Variants in PAM observed in about 807,000 individuals in gnomAD.
PAM encodes the protein peptidyl-glycine alpha-amidating monooxygenase.
Under a neutral mutation model 122.1 loss-of-function variants are expected in PAM, and 72 were observed. The observed-to-expected ratio is 0.59, with a 90% CI of 0.49 to 0.72. The LOEUF (loss-of-function observed/expected upper bound fraction) is 0.72. Among genes scored for constraint, PAM ranks in the 30% least tolerant of loss-of-function variants. The pLI is 0.00. For synonymous variants in PAM, 389 were observed against 404.4 expected (o/e 0.96, Z 0.46); for missense variants, 1,106 against 1,183.7 (o/e 0.93, Z 0.96).
intron 12 of PAM, among the ~76,000 whole-genome samples, chr5:102,955,722 C>CCAT (rs2150151776): frequency 6.6e-6 from 1 of 151,814 alleles, no homozygotes; most frequent in South Asian, 2.1e-4. Context: ...GTTTAAAGGG[C>CCAT]CATTCAGTGG....
chr5:102,883,758 A>C (rs1299634371), intron 3 of PAM, among the ~76,000 whole-genome samples: 1 of 151,888 alleles, frequency 6.6e-6, no homozygotes, highest in African/African-American at 2.4e-5. Context: ...TGTTGAACAG[A>C]AGTGGTGAAA....
intron 3 of PAM, among the ~76,000 whole-genome samples, chr5:102,872,726 T>C (rs778870339): frequency 6.6e-6 from 1 of 152,232 alleles, no homozygotes; most frequent in Non-Finnish European, 1.5e-5. Context: ...TTTATTAAAT[T>C]CAGAATGCCA....
rs771021023 is a variant in PAM, at chr5:102,990,388, G to T, written c.1600G>T (p.Val534Phe). ...GGTGATTTTCCACAGAGGTGACCAT[G>T]TCTGGGATGGAAAGTAAGTAATATT... ...NLVIFHRGDH[V>F]WDGNSFDSKF... The change falls in exon 16 of 26, where the codon GTC becomes TTC. Residue 534 changes from valine to phenylalanine, a missense_variant. Physicochemically the swap from Val to Phe is conservative, Grantham distance 50. This residue lies in a region of PAM where 670 missense variants were observed against 690.3 expected (regional missense o/e 0.97). Transcript: ENST00000438793. The T allele has an allele frequency of 1.0e-5, 16 of 1,595,618 alleles. No individual in the cohort carries two copies. The highest frequency in any genetic ancestry group is 1.4e-5 in the Non-Finnish European group (16 of 1,169,888).
At chr5:102,991,564 T>C (rs896841813) in intron 16 of PAM, among the ~76,000 whole-genome samples, 1 of 152,168 alleles carries the variant, frequency 6.6e-6, no homozygotes, top group African/African-American at 2.4e-5. Flanking sequence ...CCTGGTTCTG[T>C]CACGTATGCA....
chr5:102,895,989 C>A (rs1336536067), intron 3 of PAM: 4 of 151,632 alleles, frequency 2.6e-5, no homozygotes, highest in Admixed American at 2.6e-4. Flanking sequence ...GTCAGCACTC[C>A]CTGTTCAGAA....
At chr5:102,804,023 G>A (rs1765572998) in intron 1 of PAM, among the ~76,000 whole-genome samples, 1 of 152,162 alleles carries the variant, frequency 6.6e-6, no homozygotes, top group Non-Finnish European at 1.5e-5. Context: ...AACAGGAGAA[G>A]TGTGAGGGTT....
chr5:103,011,525 T>C (rs923013028), intron 21 of PAM, among the ~76,000 whole-genome samples: 1 of 152,242 alleles, frequency 6.6e-6, no homozygotes, highest in African/African-American at 2.4e-5. Context: ...CATGTTTGTC[T>C]TTCTGTGCCT....
intron 1 of PAM, among the ~76,000 whole-genome samples, chr5:102,762,589 A>G (rs1353035275): frequency 1.3e-5 from 2 of 152,164 alleles, no homozygotes; most frequent in Non-Finnish European, 2.9e-5. Context: ...AGGAAATAAA[A>G]GTAAGCTAAT....
chr5:103,021,458 C>G (rs1260127767), intron 23 of PAM, among the ~76,000 whole-genome samples: 1 of 152,162 alleles, frequency 6.6e-6, no homozygotes, highest in Non-Finnish European at 1.5e-5. Flanking sequence ...CCATACTGAC[C>G]TCATCTTAGC....
chr5:102,823,787 G>A (rs1196033183), intron 1 of PAM, among the ~76,000 whole-genome samples: 1 of 152,132 alleles, frequency 6.6e-6, no homozygotes, highest in Non-Finnish European at 1.5e-5. Flanking sequence ...ATGCTCATAA[G>A]TGAACTTTTA....
At chr5:102,885,179 T>G (rs898275527) in intron 3 of PAM, among the ~76,000 whole-genome samples, 3 of 151,290 alleles carry the variant, frequency 2.0e-5, no homozygotes, top group African/African-American at 7.3e-5. Context: ...AAAACTGCCA[T>G]CAAAGTAGAT....
intron 16 of PAM, among the ~76,000 whole-genome samples, chr5:102,997,221 T>C (rs1319549181): frequency 1.3e-5 from 2 of 152,204 alleles, no homozygotes; most frequent in African/African-American, 4.8e-5. Context: ...TATCTTGATA[T>C]GTTGCAAGAC....
intron 1 of PAM, among the ~76,000 whole-genome samples, chr5:102,832,761 A>G (rs139204284): frequency 1.3e-5 from 2 of 152,270 alleles, no homozygotes; most frequent in East Asian, 3.9e-4. Context: ...GTCCCAGGAA[A>G]CATATTCACA....
intron 1 of PAM, among the ~76,000 whole-genome samples, chr5:102,823,563 G>A (rs144121245): frequency 2.6e-5 from 4 of 152,304 alleles, no homozygotes; most frequent in East Asian, 3.9e-4. Context: ...TGAAAGGAGC[G>A]CTGGAACAGA....
chr5:102,858,143 A>G (rs1783128224), intron 1 of PAM, among the ~76,000 whole-genome samples: 1 of 152,238 alleles, frequency 6.6e-6, no homozygotes, highest in Admixed American at 6.5e-5. Flanking sequence ...AACTGTTGTT[A>G]TGATTATTCT....
rs574141362 is a variant in PAM, at chr5:102,867,461, T to C, written c.210+68T>C. 6.7e-6 allele frequency: 8 copies of C among 1,199,726 alleles called. No homozygotes were observed. The East Asian group carries it at 7.2e-5, about 11-fold the overall frequency. 74.3% of individuals were successfully genotyped at this position (1,199,726 alleles called of 1,614,324 possible). A position where few individuals can be genotyped will look rare whatever the true frequency, so the allele number is the denominator to read the frequency against. ...CAATCTATAATTAAAGTAAGGAAAC[T>C]GCATTTACAGCTGTAGGAACTTCTT... On this transcript the variant is annotated intron_variant, in intron 3 of 25. Coordinates refer to ENST00000438793, the MANE Select transcript of PAM (RefSeq NM_001177306.2).
At chr5:102,777,743 G>A (rs1280378721) in intron 1 of PAM, among the ~76,000 whole-genome samples, 1 of 152,108 alleles carries the variant, frequency 6.6e-6, no homozygotes, top group Non-Finnish European at 1.5e-5. Flanking sequence ...TTCCTCTGTA[G>A]AGGTATTTTA....
chr5:102,968,288 G>T (rs1764722032), intron 14 of PAM, among the ~76,000 whole-genome samples: 1 of 152,128 alleles, frequency 6.6e-6, no homozygotes, highest in South Asian at 2.1e-4. Context: ...AAAAGACAGG[G>T]AAACCTGAAT....
At chr5:102,866,409 C>T in intron 2 of PAM, 125 bp downstream of exon 2, 2 of 682,708 alleles carry the variant, frequency 2.9e-6, no homozygotes, top group South Asian at 1.7e-5. Context: ...TGGAATTTTA[C>T]CACAGTAACT....
Sources: allele counts gnomAD v4.1 joint callset (sites outside exome capture counted in the v4.1 genomes callset), GRCh38; gene constraint gnomAD v4.1.1; regional missense constraint gnomAD v4.1.1; transcripts MANE v1.5; gene names NCBI Gene and HGNC (gene_info 2026-07-23, HGNC 2026-07-21).